The following CTNNA2 variants were observed in gnomAD, a reference collection of about 807,000 sequenced individuals.
CTNNA2 encodes catenin alpha 2, also known as catenin alpha-2.
A neutral mutation model predicts 101.0 loss-of-function variants in CTNNA2; 42 were observed. The ratio of observed to expected loss-of-function variants is 0.42; its 90% CI spans 0.32 to 0.54. The LOEUF (loss-of-function observed/expected upper bound fraction) is 0.54. CTNNA2 is among the 20% of genes least tolerant of loss of function. The pLI, the probability that CTNNA2 is intolerant of heterozygous loss-of-function variation, is 0.14. For missense variants in CTNNA2, 871 were observed against 1,223.1 expected, an observed-to-expected ratio of 0.71 and a Z score of 4.29; for synonymous variants, 450 against 456.4, an observed-to-expected ratio of 0.99 and a Z score of 0.18.
At chr2:79,468,677 G>C (rs373678648) in intron 4 of CTNNA2, among the ~76,000 whole-genome samples, 2 of 152,102 alleles carry the variant, frequency 1.3e-5, no homozygotes, top group Non-Finnish European at 2.9e-5. Context: ...ATAACAAACT[G>C]TCTCTCAGAC....
At chr2:79,373,753 G>A (rs918466718) in intron 3 of CTNNA2, 1 of 152,102 alleles carries the variant, frequency 6.6e-6, no homozygotes, top group African/African-American at 2.4e-5. Context: ...TGTGCTTTAT[G>A]GTGTCTAATC....
intron 3 of CTNNA2, among the ~76,000 whole-genome samples, chr2:79,345,639 G>A (rs1316238078): frequency 1.3e-5 from 2 of 152,104 alleles, no homozygotes; most frequent in African/African-American, 4.8e-5. Context: ...CTTTAGAGAA[G>A]GCAAAGGGAG....
At chr2:80,414,517 T>C (rs1404363837) in intron 8 of CTNNA2, among the ~76,000 whole-genome samples, 1 of 152,198 alleles carries the variant, frequency 6.6e-6, no homozygotes, top group Admixed American at 6.5e-5. Context: ...GAATTCCTCA[T>C]GTTATGAATC....
At chr2:79,542,809 G>A (rs1234316639) in intron 1 of CTNNA2, among the ~76,000 whole-genome samples, 1 of 151,938 alleles carries the variant, frequency 6.6e-6, no homozygotes, top group African/African-American at 2.4e-5. Context: ...CTGTAAACTG[G>A]TTAAAAACTA....
intron 4 of CTNNA2, among the ~76,000 whole-genome samples, chr2:79,409,960 A>G (rs985645580): frequency 2.6e-5 from 4 of 151,850 alleles, no homozygotes; most frequent in African/African-American, 7.3e-5. Context: ...ATGTCTTTGT[A>G]TCCTCTTTTA....
At chr2:80,174,595 C>T (rs1705281482) in intron 7 of CTNNA2, among the ~76,000 whole-genome samples, 1 of 152,156 alleles carries the variant, frequency 6.6e-6, no homozygotes, top group Non-Finnish European at 1.5e-5. Context: ...CGATAGTCTC[C>T]TTGAAGCCAA....
intron 7 of CTNNA2, among the ~76,000 whole-genome samples, chr2:80,273,996 C>A (rs1437185856): frequency 6.6e-6 from 1 of 152,114 alleles, no homozygotes; most frequent in African/African-American, 2.4e-5. Flanking sequence ...TAGTGCCTGG[C>A]ACATGGAAAG....
At position 79,287,867 on chromosome 2, in the gene CTNNA2, T is replaced by G. The variant is rs552220773; in HGVS notation, c.-405-24842T>G. Among the ~76,000 whole-genome samples the G allele has an allele frequency of 3.4e-4, 52 of 152,330 alleles. No homozygotes were observed. The South Asian group carries it at 9.7e-3, about 29-fold the overall frequency. Reference sequence around the variant, plus strand: ...CCAGCCTCGCTGCCACCTTGCAGTTTGATCTCAGACTGCTGTGCTAGCAGT... The same window carrying G: ...CCAGCCTCGCTGCCACCTTGCAGTTGGATCTCAGACTGCTGTGCTAGCAGT... On this transcript the variant is annotated intron_variant, in intron 2 of 21. Coordinates refer to the CTNNA2 transcript ENST00000466387.
At chr2:79,995,659 T>A (rs1444291514) in intron 7 of CTNNA2, among the ~76,000 whole-genome samples, 1 of 151,970 alleles carries the variant, frequency 6.6e-6, no homozygotes, top group Admixed American at 6.6e-5. Flanking sequence ...AAAAATAGTT[T>A]TAAAAATAGC....
chr2:80,634,558 G>A (rs1487857781), intron 18 of CTNNA2, among the ~76,000 whole-genome samples: 2 of 149,034 alleles, frequency 1.3e-5, no homozygotes, highest in African/African-American at 5.0e-5. Flanking sequence ...CTCAGTCTGT[G>A]ATTGGGAAGC....
At chr2:79,931,007 A>C (rs1687402347) in intron 7 of CTNNA2, among the ~76,000 whole-genome samples, 1 of 151,936 alleles carries the variant, frequency 6.6e-6, no homozygotes, top group Non-Finnish European at 1.5e-5. Flanking sequence ...TAACTGTAAA[A>C]ATAATATATG....
intron 18 of CTNNA2, among the ~76,000 whole-genome samples, chr2:80,620,619 T>A (rs1671027543): frequency 6.6e-6 from 1 of 151,918 alleles, no homozygotes; most frequent in Non-Finnish European, 1.5e-5. Context: ...TATTGCAATG[T>A]GGGCAATAAT....
At chr2:79,719,504 A>G (rs1428455550) in intron 2 of CTNNA2, among the ~76,000 whole-genome samples, 1 of 152,186 alleles carries the variant, frequency 6.6e-6, no homozygotes, top group Admixed American at 6.5e-5. Context: ...ACTAATTGAT[A>G]TTCCCACCAA....
chr2:79,564,119 T>C (rs1201072153), intron 1 of CTNNA2, among the ~76,000 whole-genome samples: 1 of 152,164 alleles, frequency 6.6e-6, no homozygotes, highest in African/African-American at 2.4e-5. Flanking sequence ...AAAATAGGAA[T>C]GCAGCTGCCT....
intron 7 of CTNNA2, among the ~76,000 whole-genome samples, chr2:80,337,152 G>A (rs1016697238): frequency 5.9e-5 from 9 of 152,080 alleles, no homozygotes; most frequent in African/African-American, 1.2e-4. Context: ...TCAGGAGATC[G>A]AGACCATCCT....
intron 6 of CTNNA2, among the ~76,000 whole-genome samples, chr2:79,878,977 C>T (rs182933316): frequency 2.0e-5 from 3 of 152,136 alleles, no homozygotes; most frequent in Non-Finnish European, 2.9e-5. Flanking sequence ...GTCTTTAATA[C>T]ATCTTGAGTT....
At chr2:80,099,879 A>T (rs760400591) in intron 7 of CTNNA2, among the ~76,000 whole-genome samples, 2 of 151,978 alleles carry the variant, frequency 1.3e-5, no homozygotes, top group Non-Finnish European at 2.9e-5. Context: ...ACTGGGCCCG[A>T]CCCTAGAACT....
At chr2:79,500,487 T>G (rs1422725553) in intron 4 of CTNNA2, among the ~76,000 whole-genome samples, 1 of 152,208 alleles carries the variant, frequency 6.6e-6, no homozygotes, top group Admixed American at 6.5e-5. Flanking sequence ...TAATTGAAAT[T>G]ACACAGAATA....
chr2:79,841,585 C>A (rs919044537), intron 3 of CTNNA2, among the ~76,000 whole-genome samples: 2 of 152,100 alleles, frequency 1.3e-5, no homozygotes, highest in Admixed American at 1.3e-4. Context: ...GGCACACGTG[C>A]AAAATAGGTG....
Sources: allele counts gnomAD v4.1 joint callset (sites outside exome capture counted in the v4.1 genomes callset), GRCh38; gene constraint gnomAD v4.1.1; transcripts MANE v1.5; gene names NCBI Gene and HGNC (gene_info 2026-07-23, HGNC 2026-07-21).